The following C1orf210 variants were observed in gnomAD, a reference collection of about 807,000 sequenced individuals.
C1orf210 encodes type III endosome membrane protein TEMP.
A neutral mutation model predicts 3.7 loss-of-function variants in C1orf210; 3 were observed. That is an observed-to-expected ratio of 0.81 (90% confidence interval 0.37 to 2.08). The LOEUF is 2.08. C1orf210 is among the 30% of genes most tolerant of loss of function. The pLI is 0.06. For synonymous variants in C1orf210, 62 were observed against 61.7 expected, an observed-to-expected ratio of 1.00 and a Z score of -0.02; for missense variants, 143 against 147.7, an observed-to-expected ratio of 0.97 and a Z score of 0.17.
At chr1:43,283,571 T>TA (rs910871589) in intron 1 of C1orf210, among the ~76,000 whole-genome samples, 13 of 149,168 alleles carry the variant, frequency 8.7e-5, no homozygotes, top group South Asian at 2.1e-4. Context: ...TGGAAGCTGC[T>TA]AAAAAAAAAA....
Position 43,283,310 on chromosome 1 carries a change from A to G in C1orf210, c.-40T>C. 2 of 1,611,086 alleles carry G rather than the reference A, an allele frequency of 1.2e-6. No homozygotes were observed. The highest frequency in any genetic ancestry group is 2.2e-5 in the South Asian group (2 of 90,814). On this transcript the variant is annotated 5_prime_UTR_variant, in exon 2 of 3. Transcript: ENST00000523677. ...ACACCAGTGAGTCTCAGCCTCAACC[A>G]GAAAGAGCCCTGGCTCTGAGGAGGC...
intron 1 of C1orf210, 43 bp from the exon 2 acceptor site, chr1:43,283,411 G>A: frequency 8.4e-7 from 1 of 1,192,592 alleles, no homozygotes; most frequent in Admixed American, 2.7e-5. Context: ...TGGTCACAGG[G>A]TGCACTTTCC....
intron 1 of C1orf210, among the ~76,000 whole-genome samples, chr1:43,283,760 C>T (rs1221348510): frequency 1.3e-5 from 2 of 152,158 alleles, no homozygotes; most frequent in African/African-American, 2.4e-5. Context: ...CAGTCTGTTG[C>T]ACTGCTTGGT....
At position 43,282,793 on chromosome 1, in the gene C1orf210, A is replaced by G. The variant is rs748715726; in HGVS notation, c.334T>C (p.Ser112Pro). The change falls in exon 3 of 3, where the codon TCC becomes CCC. Residue 112 changes from serine to proline, a missense_variant. By Grantham distance (74) the Ser-to-Pro change is moderately conservative (BLOSUM62 -1). Coordinates refer to ENST00000523677, the MANE Select transcript of C1orf210 (RefSeq NM_182517.3). ...LGTEGSRDHF[S>P]L ...GGTCTAAAGATGGGAGCTCAGAGGGAGAAGTGGTCCCTGCTACCCTCTGTC... is the reference window on the plus strand; with the variant it reads ...GGTCTAAAGATGGGAGCTCAGAGGGGGAAGTGGTCCCTGCTACCCTCTGTC... 2 of 1,591,438 alleles carry G rather than the reference A, an allele frequency of 1.3e-6. No individual in the cohort carries two copies. Among genetic ancestry groups the G allele is most frequent in the Non-Finnish European group, 8.6e-7 (1 of 1,166,822 alleles).
At position 43,282,516 on chromosome 1, in the gene C1orf210, G is replaced by A; in HGVS notation, c.*269C>T. The A allele has an allele frequency of 2.4e-6, 1 of 412,884 alleles. No homozygotes were observed. The allele number at this position is 412,884 out of a possible 1,614,324, so 25.6% of individuals were successfully genotyped here. A position where few individuals can be genotyped will look rare whatever the true frequency, so the allele number is the denominator to read the frequency against. On this transcript the variant is annotated 3_prime_UTR_variant, in exon 3 of 3. Transcript: ENST00000523677. Reference sequence around the variant, plus strand: ...GCAAGAAAAGAAACCAAGAGGCCGAGAGGCATGATCACAGAGGGCCTTATG... The same window carrying A: ...GCAAGAAAAGAAACCAAGAGGCCGAAAGGCATGATCACAGAGGGCCTTATG...
Position 43,283,333 on chromosome 1 carries a change from G to A in C1orf210, c.-63C>T. 1 of 1,594,222 alleles carries A rather than the reference G, an allele frequency of 6.3e-7. No homozygotes were observed. Among genetic ancestry groups the A allele is most frequent in the Non-Finnish European group, 8.5e-7 (1 of 1,172,134 alleles). ...CCAGAAAGAGCCCTGGCTCTGAGGA[G>A]GCCCCCAGATGCCAGGCAGCCCCAG... On this transcript the variant is annotated 5_prime_UTR_variant, in exon 2 of 3. Transcript: ENST00000523677.
At position 43,282,991 on chromosome 1, in the gene C1orf210, G is replaced by A; in HGVS notation, c.136C>T (p.Leu46Phe). ...CATTTGGCAGCAAGTGCAATGAGGAGCGAGAGGACCACAGCCCCCAGCACA... is the reference window on the plus strand; with the variant it reads ...CATTTGGCAGCAAGTGCAATGAGGAACGAGAGGACCACAGCCCCCAGCACA... The part of the protein sequence containing the change: ...GFVLGAVVLS[L>F]LIALAAKCHL... The change falls in exon 3 of 3, where the codon CTC (leucine) becomes TTC (phenylalanine). Residue 46 changes from leucine to phenylalanine, a missense_variant. Leu to Phe is a conservative substitution (Grantham distance 22). Coordinates refer to ENST00000523677, the MANE Select transcript of C1orf210 (RefSeq NM_182517.3). The A allele has an allele frequency of 6.2e-7, 1 of 1,614,152 alleles. No homozygotes were observed. The highest frequency in any genetic ancestry group is 8.5e-7 in the Non-Finnish European group (1 of 1,179,968).
At position 43,282,700 on chromosome 1, in the gene C1orf210, C is replaced by G; in HGVS notation, c.*85G>C. On this transcript the variant is annotated 3_prime_UTR_variant, in exon 3 of 3. Coordinates refer to ENST00000523677, the MANE Select transcript of C1orf210 (RefSeq NM_182517.3). ...CCTTTAAGCCCCAGCCACCTCTGTCCCTGAGGTTCAAGGCCCCCATGTCAT... is the reference window on the plus strand; with the variant it reads ...CCTTTAAGCCCCAGCCACCTCTGTCGCTGAGGTTCAAGGCCCCCATGTCAT... 1 of 1,362,346 alleles carries G rather than the reference C, an allele frequency of 7.3e-7. No individual in the cohort carries two copies. The highest frequency in any genetic ancestry group is 1.0e-6 in the Non-Finnish European group (1 of 991,072). 84.4% of individuals were successfully genotyped at this position (1,362,346 alleles called of 1,614,324 possible). A position where few individuals can be genotyped will look rare whatever the true frequency, so the allele number is the denominator to read the frequency against.
rs927757648 is a variant in C1orf210, at chr1:43,283,044, G to T, written c.83C>A (p.Ala28Asp). 40 of 1,613,962 alleles carry T rather than the reference G, an allele frequency of 2.5e-5. No individual in the cohort carries two copies. Among genetic ancestry groups the T allele is most frequent in the Non-Finnish European group, 3.2e-5 (38 of 1,179,964 alleles). The change falls in exon 3 of 3, where the codon GCT (alanine) becomes GAT (aspartate). Residue 28 changes from alanine to aspartate, a missense_variant. Transcript: ENST00000523677. ...TCCTACCAGCACAGGCCATGCCCGA[G>T]CCCCAGTGCCTGGGCCAGGGGCCAC... ...SAVAPGPGTG[A>D]RAWPVLVGFV...
chr1:43,282,669 G>A lies in C1orf210; in HGVS notation c.*116C>T, dbSNP rs1646553767. 38 of 1,065,336 alleles carry A rather than the reference G, an allele frequency of 3.6e-5. No homozygotes were observed. In the South Asian group the frequency reaches 6.0e-4, roughly 17 times the overall value. The allele number at this position is 1,065,336 out of a possible 1,614,324, so 66.0% of individuals were successfully genotyped here. ...GGGAAGTGGGGTTTACTCCATCCCT[G>A]GCCAACCTTTAAGCCCCAGCCACCT... On this transcript the variant is annotated 3_prime_UTR_variant, in exon 3 of 3. Coordinates refer to ENST00000523677, the MANE Select transcript of C1orf210 (RefSeq NM_182517.3).
intron 1 of C1orf210, among the ~76,000 whole-genome samples, chr1:43,284,872 C>T (rs899706653): frequency 6.6e-6 from 1 of 152,226 alleles, no homozygotes; most frequent in African/African-American, 2.4e-5. Context: ...CCATACCTGC[C>T]TGTGAGGTTG....
chr1:43,284,640 T>A (rs1646568740), intron 1 of C1orf210, among the ~76,000 whole-genome samples: 1 of 152,032 alleles, frequency 6.6e-6, no homozygotes, highest in South Asian at 2.1e-4. Context: ...TCTGACCCCA[T>A]CACTAGCCTG....
rs1323579390 is a variant in C1orf210 at position 43,282,736 on chromosome 1, C to G, written c.*49G>C. ...AGGCCCCCATGTCATAACCACTGTC[C>G]TTAAGCTGTCAGGCATGGAGGGAGT... On this transcript the variant is annotated 3_prime_UTR_variant, in exon 3 of 3. Transcript: ENST00000523677. 1.3e-6 allele frequency: 2 copies of G among 1,505,780 alleles called. No homozygotes were observed. Among genetic ancestry groups the G allele is most frequent in the African/African-American group, 2.8e-5 (2 of 72,378 alleles). 93.3% of individuals were successfully genotyped at this position (1,505,780 alleles called of 1,614,324 possible). A position where few individuals can be genotyped will look rare whatever the true frequency, so the allele number is the denominator to read the frequency against.
rs541777656 is a variant in C1orf210 at position 43,285,578 on chromosome 1, G to C, written c.-233C>G. The C allele has an allele frequency of 6.6e-6, 1 of 152,574 alleles. No homozygotes were observed. The highest frequency in any genetic ancestry group is 2.1e-4 in the South Asian group (1 of 4,844). 9.5% of individuals were successfully genotyped at this position (152,574 alleles called of 1,614,324 possible). On this transcript the variant is annotated 5_prime_UTR_variant, in exon 1 of 3. Coordinates refer to ENST00000523677, the MANE Select transcript of C1orf210 (RefSeq NM_182517.3). ...CTTCAAGAACTGTGCACAATCCGCGGAGTAAGCTTCCGGCTGGGGCCGGCA... is the reference window on the plus strand; with the variant it reads ...CTTCAAGAACTGTGCACAATCCGCGCAGTAAGCTTCCGGCTGGGGCCGGCA...
chr1:43,284,563 C>T (rs1183304624), intron 1 of C1orf210, among the ~76,000 whole-genome samples: 1 of 152,090 alleles, frequency 6.6e-6, no homozygotes, highest in African/African-American at 2.4e-5. Flanking sequence ...TGTACTCTAG[C>T]CATAATCTCC....
Position 43,283,317 on chromosome 1 carries a change from GCCC to G in C1orf210, c.-50_-48del, listed in dbSNP as rs772049254. 2.2e-4 allele frequency: 352 copies of G among 1,607,830 alleles called. No individual in the cohort carries two copies. Among genetic ancestry groups the G allele is most frequent in the South Asian group, 2.8e-4 (25 of 90,530 alleles). On this transcript the variant is annotated 5_prime_UTR_variant, in exon 2 of 3. Transcript: ENST00000523677. ...TGAGTCTCAGCCTCAACCAGAAAGA[GCCC>G]TGGCTCTGAGGAGGCCCCCAGATGC...
At position 43,283,082 on chromosome 1, in the gene C1orf210, G is replaced by C. The variant is rs747220607; in HGVS notation, c.45C>G (p.Pro15=). The C allele has an allele frequency of 5.6e-6, 9 of 1,613,642 alleles. No individual in the cohort carries two copies. The highest frequency in any genetic ancestry group is 6.8e-6 in the Non-Finnish European group (8 of 1,179,720). Residue 15 remains proline (P), a synonymous_variant, in exon 3 of 3, where the codon CCC becomes CCG. Transcript: ENST00000523677. Reference sequence around the variant, plus strand: ...GGCCAGGGGCCACAGCAGACGCTGTGGGGAGCTCCGAAGGCCCAACAAGTG... The same window carrying C: ...GGCCAGGGGCCACAGCAGACGCTGTCGGGAGCTCCGAAGGCCCAACAAGTG... ...NKTLVGPSEL[P]TASAVAPGPG...
chr1:43,283,462 G>A, intron 1 of C1orf210, 94 bp from the exon 2 acceptor site: 2 of 658,338 alleles, frequency 3.0e-6, no homozygotes, highest in Admixed American at 3.1e-5. Context: ...ACAAACTCTG[G>A]GGACTGGACA....
Position 43,283,363 on chromosome 1 carries a change from C to A in C1orf210, c.-93G>T. 2.0e-6 allele frequency: 3 copies of A among 1,535,194 alleles called. No homozygotes were observed. Among genetic ancestry groups the A allele is most frequent in the Non-Finnish European group, 2.7e-6 (3 of 1,129,520 alleles). On this transcript the variant is annotated 5_prime_UTR_variant, in exon 2 of 3. Transcript: ENST00000523677. ...CCAGATGCCAGGCAGCCCCAGGGCACAAGTCCTAGAAAATAACATAGGTAT... is the reference window on the plus strand; with the variant it reads ...CCAGATGCCAGGCAGCCCCAGGGCAAAAGTCCTAGAAAATAACATAGGTAT...
Sources: allele counts gnomAD v4.1 joint callset (sites outside exome capture counted in the v4.1 genomes callset), GRCh38; gene constraint gnomAD v4.1.1; transcripts MANE v1.5; gene names NCBI Gene and HGNC (gene_info 2026-07-23, HGNC 2026-07-21).